SLC38A12: variants seen among roughly 807,000 people sequenced by gnomAD.
SLC38A12 encodes putative sodium-coupled neutral amino acid transporter 12.
the SLC38A12 span, among the ~76,000 whole-genome samples, chr17:74,806,849 G>A: frequency 2.0e-5 from 3 of 152,142 alleles, no homozygotes; most frequent in African/African-American, 7.2e-5. Flanking sequence ...ATCATGTTAG[G>A]AGTGTCCCGC....
At chr17:74,789,848 A>T in the SLC38A12 span, among the ~76,000 whole-genome samples, 16 of 141,456 alleles carry the variant, frequency 1.1e-4, no homozygotes, top group Non-Finnish European at 4.5e-5. Flanking sequence ...TTCGTCTCAA[A>T]AAAAAAAAAA....
chr17:74,836,898 C>G, the SLC38A12 span: 1 of 1,370,034 alleles, frequency 7.3e-7, no homozygotes, highest in Non-Finnish European at 9.4e-7. This position sits in a 1 kb window ranked among gnomAD's most constrained non-coding sequence, Gnocchi z 4.2. Flanking sequence ...GCTCTCCCAC[C>G]AGGTCCTTCT....
At chr17:74,823,299 C>T in the SLC38A12 span, among the ~76,000 whole-genome samples, 251 of 152,288 alleles carry the variant, frequency 1.6e-3, no homozygotes, top group African/African-American at 5.6e-3. Flanking sequence ...TGTGCTGAGC[C>T]GGAAACTTTC....
chr17:74,836,133 C>T, the SLC38A12 span: 4 of 1,614,028 alleles, frequency 2.5e-6, no homozygotes, highest in Non-Finnish European at 3.4e-6. The surrounding 1 kb of genome is among the most constrained non-coding windows in gnomAD (Gnocchi z 4.2). Flanking sequence ...GGACTACGTG[C>T]TGATCCTGGC....
the SLC38A12 span, among the ~76,000 whole-genome samples, chr17:74,789,082 C>A: frequency 6.6e-6 from 1 of 152,212 alleles, no homozygotes. Context: ...CAGCCTCAGG[C>A]CCTCCTACCC....
chr17:74,837,343 C>T, the SLC38A12 span: 14 of 985,520 alleles, frequency 1.4e-5, no homozygotes, highest in East Asian at 1.1e-4. Context: ...GCGCGAGCTC[C>T]GGAGTAGCAG....
At chr17:74,810,101 G>A in the SLC38A12 span, among the ~76,000 whole-genome samples, 1 of 152,202 alleles carries the variant, frequency 6.6e-6, no homozygotes, top group Non-Finnish European at 1.5e-5. Context: ...TGGAGGCTCA[G>A]TGTCCTCCCG....
chr17:74,778,214 C>A, the SLC38A12 span, among the ~76,000 whole-genome samples: 1 of 152,234 alleles, frequency 6.6e-6, no homozygotes, highest in African/African-American at 2.4e-5. Context: ...CCCCAACACA[C>A]ACGCAGTTTA....
the SLC38A12 span, chr17:74,777,521 G>A: frequency 2.0e-6 from 3 of 1,537,174 alleles, no homozygotes; most frequent in Admixed American, 1.9e-5. Flanking sequence ...ATGGGGCAGC[G>A]ACTACAGTGC....
At chr17:74,785,610 G>A in the SLC38A12 span, 5 of 1,612,584 alleles carry the variant, frequency 3.1e-6, no homozygotes, top group Middle Eastern at 1.7e-4. Context: ...TGAGGTGAGA[G>A]GCAGCGGGGA....
At chr17:74,812,685 C>T in the SLC38A12 span, among the ~76,000 whole-genome samples, 2 of 152,176 alleles carry the variant, frequency 1.3e-5, no homozygotes, top group African/African-American at 4.8e-5. Context: ...CTGCGCCCTC[C>T]TCACTCCAAG....
chr17:74,839,255 C>T, the SLC38A12 span: 2 of 1,322,264 alleles, frequency 1.5e-6, no homozygotes, highest in East Asian at 5.1e-5. Context: ...GGGCCCCTAG[C>T]CACACAGCTG....
chr17:74,819,666 G>T, the SLC38A12 span: 10 of 1,369,542 alleles, frequency 7.3e-6, no homozygotes, highest in African/African-American at 1.4e-5. Flanking sequence ...ATGGGCGGAG[G>T]CCACGTGAGC....
chr17:74,812,708 G>C, the SLC38A12 span, among the ~76,000 whole-genome samples: 1 of 152,146 alleles, frequency 6.6e-6, no homozygotes, highest in Non-Finnish European at 1.5e-5. Flanking sequence ...CGAGTGCTCC[G>C]TGGTCAGCTC....
the SLC38A12 span, among the ~76,000 whole-genome samples, chr17:74,817,702 C>A: frequency 6.6e-6 from 1 of 152,128 alleles, no homozygotes. Flanking sequence ...TGGACAGGGC[C>A]CCTGGAGGAC....
the SLC38A12 span, among the ~76,000 whole-genome samples, chr17:74,796,632 C>G: frequency 6.6e-6 from 1 of 152,230 alleles, no homozygotes; most frequent in East Asian, 1.9e-4. Flanking sequence ...GTTGGTTTTC[C>G]TCTCTGCCTC....
chr17:74,814,262 G>C, the SLC38A12 span, among the ~76,000 whole-genome samples: 1 of 148,962 alleles, frequency 6.7e-6, no homozygotes, highest in East Asian at 2.0e-4. Context: ...CCTTCCTGTG[G>C]GGATCTTGGA....
the SLC38A12 span, among the ~76,000 whole-genome samples, chr17:74,832,547 C>T: frequency 6.6e-6 from 1 of 152,256 alleles, no homozygotes; most frequent in African/African-American, 2.4e-5. Flanking sequence ...GGCCTCTCCC[C>T]CTCCTGGTGT....
the SLC38A12 span, among the ~76,000 whole-genome samples, chr17:74,787,076 G>A: frequency 6.6e-6 from 1 of 152,156 alleles, no homozygotes; most frequent in Non-Finnish European, 1.5e-5. Flanking sequence ...TAAATCCAAA[G>A]CCCTTAAAAT....
Sources: gnomAD v4.1 joint callset for allele counts (sites outside exome capture counted in the v4.1 genomes callset) on GRCh38, gnomAD v4.1.1 for gene constraint, Gnocchi (gnomAD v3.1) non-coding constraint, MANE v1.5 for transcripts, NCBI Gene and HGNC (gene_info 2026-07-23, HGNC 2026-07-21) for gene names.